The following MECOM variants were observed in gnomAD, a reference collection of about 807,000 sequenced individuals.
MECOM encodes histone-lysine N-methyltransferase MECOM.
Under a neutral mutation model 116.3 loss-of-function variants are expected in MECOM, and 13 were observed. That is an observed-to-expected ratio of 0.11 (90% CI 0.07 to 0.18). The LOEUF (loss-of-function observed/expected upper bound fraction) is 0.18. Ranked by LOEUF, MECOM falls within the 10% of genes least tolerant of loss-of-function variation. The pLI is 1.00. For missense variants in MECOM, 1,299 were observed against 1,509.0 expected, an observed-to-expected ratio of 0.86 and a Z score of 2.31; for synonymous variants, 528 against 535.2, an observed-to-expected ratio of 0.99 and a Z score of 0.19.
At chr3:169,292,405 T>A (rs1714748073) in intron 2 of MECOM, among the ~76,000 whole-genome samples, 1 of 152,146 alleles carries the variant, frequency 6.6e-6, no homozygotes, top group South Asian at 2.1e-4. Flanking sequence ...AAGCAAGATC[T>A]ATTCACTGTG....
intron 1 of MECOM, among the ~76,000 whole-genome samples, chr3:169,490,278 G>C (rs879381335): frequency 3.3e-5 from 5 of 152,032 alleles, no homozygotes; most frequent in Admixed American, 1.3e-4. Context: ...CAATCAACAC[G>C]AGCTGTTATT....
intron 1 of MECOM, among the ~76,000 whole-genome samples, chr3:169,405,684 A>G (rs1045169994): frequency 2.6e-5 from 4 of 152,234 alleles, no homozygotes; most frequent in Non-Finnish European, 5.9e-5. Flanking sequence ...ACTTTCTAAT[A>G]CTTACTGTCA....
rs1190735327 is a variant in MECOM at position 169,183,751 on chromosome 3, GATAC to G, written c.376-39923_376-39920del. 7.0e-3 allele frequency among the ~76,000 whole-genome samples: 783 copies of G among 112,172 alleles called. 13 individuals carry two copies. The East Asian group carries it at 0.072, about 10-fold the overall frequency. The allele number at this position is 112,172 out of a possible 152,430, so 73.6% of individuals were successfully genotyped here. On this transcript the variant is annotated intron_variant, in intron 2 of 16. Transcript: ENST00000651503. Reference sequence around the variant, plus strand: ...AACTGATACGTTAAGGACTGTAGAAGATACATACATACACACACACACACACACA... The same window carrying G: ...AACTGATACGTTAAGGACTGTAGAAGATACATACACACACACACACACACA...
intron 1 of MECOM, among the ~76,000 whole-genome samples, chr3:169,545,210 C>T (rs12631412): frequency 0.26 from 39,707 of 151,810 alleles, 5,279 homozygotes; most frequent in Non-Finnish European, 0.28. Context: ...TTTGTTTTTT[C>T]GGTACCCCAT....
At chr3:169,159,565 T>C (rs1317684792) in intron 2 of MECOM, among the ~76,000 whole-genome samples, 1 of 151,866 alleles carries the variant, frequency 6.6e-6, no homozygotes, top group Non-Finnish European at 1.5e-5. Flanking sequence ...CTCAAAAAAA[T>C]AAATAAATAA....
chr3:169,154,153 A>T (rs1318597967), intron 2 of MECOM, among the ~76,000 whole-genome samples: 1 of 152,074 alleles, frequency 6.6e-6, no homozygotes, highest in Non-Finnish European at 1.5e-5. Context: ...GTTCTCTGCC[A>T]GTCAGTAAGA....
At chr3:169,366,601 A>C (rs1389137979) in intron 2 of MECOM, among the ~76,000 whole-genome samples, 1 of 152,032 alleles carries the variant, frequency 6.6e-6, no homozygotes, top group East Asian at 1.9e-4. Flanking sequence ...GACCAACAAG[A>C]AATACCTTTT....
At chr3:169,574,826 TAA>T (rs79191103) in intron 1 of MECOM, among the ~76,000 whole-genome samples, 2 of 129,428 alleles carry the variant, frequency 1.5e-5, no homozygotes, top group African/African-American at 5.4e-5. Flanking sequence ...CCTGTATTTA[TAA>T]AAAAAAAAAA....
intron 2 of MECOM, among the ~76,000 whole-genome samples, chr3:169,289,705 C>T (rs1363184963): frequency 1.3e-5 from 2 of 152,152 alleles, no homozygotes; most frequent in African/African-American, 4.8e-5. Flanking sequence ...AAAAAATTAA[C>T]TCCTGATGAG....
intron 1 of MECOM, among the ~76,000 whole-genome samples, chr3:169,559,764 C>T (rs569431971): frequency 3.3e-5 from 5 of 152,174 alleles, no homozygotes; most frequent in East Asian, 1.9e-4. Context: ...GAAACCAGGG[C>T]GATACTACAG....
chr3:169,166,500 T>A (rs1403936413), intron 2 of MECOM, among the ~76,000 whole-genome samples: 1 of 152,186 alleles, frequency 6.6e-6, no homozygotes, highest in Non-Finnish European at 1.5e-5. Context: ...TGATAATACA[T>A]CTATGTACTT....
At chr3:169,522,341 G>A (rs915183941) in intron 1 of MECOM, among the ~76,000 whole-genome samples, 2 of 152,176 alleles carry the variant, frequency 1.3e-5, no homozygotes, top group South Asian at 2.1e-4. Flanking sequence ...GCGGGTGGAG[G>A]CACCAATTTC....
At chr3:169,532,908 TAAC>T (rs72449419) in intron 1 of MECOM, among the ~76,000 whole-genome samples, 3,530 of 152,180 alleles carry the variant, frequency 0.023, 136 homozygotes, top group African/African-American at 0.081. Context: ...TTAAAGGGAA[TAAC>T]AACAACAAAA....
chr3:169,122,374 T>G, intron 6 of MECOM, among the ~76,000 whole-genome samples: 1 of 152,134 alleles, frequency 6.6e-6, no homozygotes, highest in East Asian at 1.9e-4. Flanking sequence ...AAGCCTCACT[T>G]CCTCCCTTAC....
At chr3:169,274,802 G>A (rs1759390857) in intron 2 of MECOM, among the ~76,000 whole-genome samples, 1 of 152,310 alleles carries the variant, frequency 6.6e-6, no homozygotes, top group East Asian at 1.9e-4. Flanking sequence ...ACATTGAACA[G>A]TGCAGATTAC....
chr3:169,303,018 A>G (rs1717035299), intron 2 of MECOM, among the ~76,000 whole-genome samples: 3 of 152,246 alleles, frequency 2.0e-5, no homozygotes, highest in Admixed American at 2.0e-4. Flanking sequence ...TTATTTGAAG[A>G]GAGATGACAT....
chr3:169,293,590 C>A (rs1232636487), intron 2 of MECOM, among the ~76,000 whole-genome samples: 1 of 152,188 alleles, frequency 6.6e-6, no homozygotes, highest in Admixed American at 6.5e-5. Context: ...AAGTACCAAA[C>A]CTTCTGTGTG....
intron 2 of MECOM, among the ~76,000 whole-genome samples, chr3:169,235,647 T>C (rs1753948002): frequency 6.6e-6 from 1 of 152,180 alleles, no homozygotes; most frequent in Non-Finnish European, 1.5e-5. Context: ...TATGGATAAA[T>C]GAAAACATAT....
At chr3:169,373,170 T>G (rs572577151) in intron 2 of MECOM, among the ~76,000 whole-genome samples, 19 of 152,118 alleles carry the variant, frequency 1.2e-4, no homozygotes, top group African/African-American at 4.6e-4. Context: ...TGGAGAGAAG[T>G]CACATGCATT....
Sources: allele counts gnomAD v4.1 joint callset (sites outside exome capture counted in the v4.1 genomes callset), GRCh38; gene constraint gnomAD v4.1.1; transcripts MANE v1.5; gene names NCBI Gene and HGNC (gene_info 2026-07-23, HGNC 2026-07-21).